EPHA6: variants seen among roughly 807,000 people sequenced by gnomAD.
The protein encoded by EPHA6 is EPH receptor A6, also known as ephrin type-A receptor 6.
A neutral mutation model predicts 112.0 loss-of-function variants in EPHA6; 50 were observed. That is an observed-to-expected ratio of 0.45 (90% CI 0.36 to 0.56). EPHA6 has a LOEUF of 0.56. Among genes scored for constraint, EPHA6 ranks in the 20% least tolerant of loss-of-function variants. EPHA6 has a pLI of 0.00. For missense variants in EPHA6, 1,280 were observed against 1,417.4 expected (o/e 0.90, Z 1.56); for synonymous variants, 529 against 490.7 (o/e 1.08, Z -1.03).
At position 97,757,966 on chromosome 3, in the gene EPHA6, A is replaced by G. The variant is rs1415640832; in HGVS notation, c.*9265A>G. 2.6e-5 allele frequency among the ~76,000 whole-genome samples: 4 copies of G among 151,952 alleles called. No homozygotes were observed. The highest frequency in any genetic ancestry group is 1.9e-4 in the East Asian group (1 of 5,204). On this transcript the variant is annotated 3_prime_UTR_variant, in exon 18 of 18. Coordinates refer to ENST00000389672, the MANE Select transcript of EPHA6 (RefSeq NM_001080448.3). ...AGTTATTCTTCTTTTATTTAATATT[A>G]GTCTGATATCCCCTAAAATTTGCTA...
Position 97,355,047 on chromosome 3 carries a change from A to G in EPHA6, c.1607-50103A>G, listed in dbSNP as rs1325530307. Among the ~76,000 whole-genome samples the G allele has an allele frequency of 3.3e-5, 5 of 152,334 alleles. No homozygotes were observed. The East Asian group carries it at 9.7e-4, about 29-fold the overall frequency. ...ACATTCAAACATGAAGGAGAAATAA[A>G]GATTTTCTGAGACAAGCAAAAGCTG... is the stretch of plus-strand genomic sequence containing the variant. On this transcript the variant is annotated intron_variant, in intron 5 of 17. Coordinates refer to ENST00000389672, the MANE Select transcript of EPHA6 (RefSeq NM_001080448.3).
intron 14 of EPHA6, among the ~76,000 whole-genome samples, chr3:97,686,623 A>G (rs1384112323): frequency 6.6e-6 from 1 of 152,188 alleles, no homozygotes; most frequent in African/African-American, 2.4e-5. Flanking sequence ...CATCTTCTCT[A>G]CTGCATAACA....
intron 11 of EPHA6, among the ~76,000 whole-genome samples, chr3:97,556,490 G>A (rs2093112052): frequency 6.6e-6 from 1 of 152,014 alleles, no homozygotes; most frequent in Non-Finnish European, 1.5e-5. Context: ...AAGGAGAAGT[G>A]CAGAGTGAAG....
At chr3:97,031,127 T>C (rs1409173716) in intron 3 of EPHA6, among the ~76,000 whole-genome samples, 1 of 152,036 alleles carries the variant, frequency 6.6e-6, no homozygotes, top group East Asian at 1.9e-4. Context: ...AACAGAGCCC[T>C]GAGAAATAAT....
chr3:97,334,326 T>C (rs1443073630), intron 5 of EPHA6, among the ~76,000 whole-genome samples: 2 of 152,038 alleles, frequency 1.3e-5, no homozygotes. Context: ...CATTCTCTAC[T>C]CTTCTAAAAG....
chr3:97,534,967 A>G (rs1272434135), intron 11 of EPHA6, among the ~76,000 whole-genome samples: 1 of 152,058 alleles, frequency 6.6e-6, no homozygotes, highest in African/African-American at 2.4e-5. Context: ...AAAGCGTCAT[A>G]TCTTTATTTT....
chr3:97,106,662 A>G (rs1285211753), intron 3 of EPHA6, among the ~76,000 whole-genome samples: 1 of 152,104 alleles, frequency 6.6e-6, no homozygotes, highest in Non-Finnish European at 1.5e-5. Flanking sequence ...TGTCCTTGTG[A>G]TAAGGCAGAG....
At chr3:96,939,118 C>G (rs954590820) in intron 2 of EPHA6, among the ~76,000 whole-genome samples, 5 of 152,148 alleles carry the variant, frequency 3.3e-5, no homozygotes, top group Non-Finnish European at 5.9e-5. Context: ...ATGCTGGCCT[C>G]ATAAAGTAAG....
chr3:97,197,922 A>G (rs1347442855), intron 3 of EPHA6, among the ~76,000 whole-genome samples: 5 of 152,046 alleles, frequency 3.3e-5, no homozygotes, highest in Non-Finnish European at 1.5e-5. Flanking sequence ...CAGCTGAATT[A>G]TCTCCTGCAT....
chr3:97,232,996 A>G (rs1044516156), intron 4 of EPHA6, among the ~76,000 whole-genome samples: 1 of 152,196 alleles, frequency 6.6e-6, no homozygotes, highest in Middle Eastern at 3.4e-3. Context: ...TTTGCCTCTT[A>G]TGTACCTGCT....
chr3:97,169,474 T>A (rs887828027), intron 3 of EPHA6, among the ~76,000 whole-genome samples: 6 of 152,134 alleles, frequency 3.9e-5, no homozygotes, highest in African/African-American at 1.4e-4. Flanking sequence ...TTCCTGATAA[T>A]CTTCCTCTCC....
intron 5 of EPHA6, among the ~76,000 whole-genome samples, chr3:97,345,155 C>T (rs1056758797): frequency 1.5e-4 from 23 of 151,858 alleles, no homozygotes; most frequent in Admixed American, 7.2e-4. Flanking sequence ...GAGAATATGT[C>T]CAAATAAAAG....
intron 5 of EPHA6, among the ~76,000 whole-genome samples, chr3:97,285,137 G>T (rs2080421628): frequency 1.3e-5 from 2 of 151,990 alleles, no homozygotes; most frequent in South Asian, 4.1e-4. Context: ...ATCTTTTAAA[G>T]ATAAATTTAA....
intron 3 of EPHA6, among the ~76,000 whole-genome samples, chr3:97,024,452 A>G (rs1170088026): frequency 2.0e-5 from 3 of 152,152 alleles, no homozygotes; most frequent in Non-Finnish European, 4.4e-5. Context: ...GACATTTTAT[A>G]TCTAATTGAT....
At chr3:97,701,630 A>G (rs1411463149) in intron 14 of EPHA6, among the ~76,000 whole-genome samples, 1 of 151,470 alleles carries the variant, frequency 6.6e-6, no homozygotes, top group African/African-American at 2.4e-5. Flanking sequence ...ATATATATAT[A>G]TATAATATCA....
At chr3:97,423,475 A>G (rs187086988) in intron 6 of EPHA6, among the ~76,000 whole-genome samples, 27 of 152,320 alleles carry the variant, frequency 1.8e-4, no homozygotes, top group African/African-American at 6.3e-4. Context: ...AATGATAAAT[A>G]TAAAACGCTG....
intron 3 of EPHA6, among the ~76,000 whole-genome samples, chr3:97,184,755 A>C (rs2077078282): frequency 6.6e-6 from 1 of 152,200 alleles, no homozygotes; most frequent in South Asian, 2.1e-4. Flanking sequence ...CCACATTGCC[A>C]AGTCAATCCT....
intron 3 of EPHA6, among the ~76,000 whole-genome samples, chr3:97,115,543 A>G (rs1167020198): frequency 6.6e-6 from 1 of 151,770 alleles, no homozygotes; most frequent in African/African-American, 2.4e-5. Context: ...ATTCTATATG[A>G]AGTTGGAAAT....
chr3:97,163,435 A>T (rs2076463625), intron 3 of EPHA6, among the ~76,000 whole-genome samples: 1 of 152,136 alleles, frequency 6.6e-6, no homozygotes, highest in Non-Finnish European at 1.5e-5. Context: ...TTAACTTTAT[A>T]TTCAAAATTA....
Sources: gnomAD v4.1 joint callset for allele counts (sites outside exome capture counted in the v4.1 genomes callset) on GRCh38, gnomAD v4.1.1 for gene constraint, MANE v1.5 for transcripts, NCBI Gene and HGNC (gene_info 2026-07-23, HGNC 2026-07-21) for gene names.